Variants in SHISA6 observed in about 807,000 individuals in gnomAD.
The protein encoded by SHISA6 is shisa family member 6.
In SHISA6, 22 loss-of-function variants were observed where a neutral mutation model predicts 47.9. The ratio of observed to expected loss-of-function variants is 0.46; its 90% CI spans 0.33 to 0.66. The LOEUF (loss-of-function observed/expected upper bound fraction) is 0.66. SHISA6 is among the 30% of genes least tolerant of loss of function. SHISA6 has a pLI of 0.02. For missense variants in SHISA6, 680 were observed against 764.6 expected (o/e 0.89, Z 1.30); for synonymous variants, 388 against 337.8 (o/e 1.15, Z -1.63).
chr17:11,274,344 A>G lies in SHISA6; in HGVS notation c.799+10818A>G, dbSNP rs186401026. 5.4e-4 allele frequency among the ~76,000 whole-genome samples: 83 copies of G among 152,348 alleles called. 1 individual carries two copies. The East Asian group carries it at 0.015, about 28-fold the overall frequency. On this transcript the variant is annotated intron_variant, in intron 2 of 5. Transcript: ENST00000441885. ...GAGGTGCCGGTCAGAGGGAAAGCCA[A>G]AGCACGGAGGACAGGGTTAGAATTC...
chr17:11,507,954 G>A (rs1373784375), intron 3 of SHISA6, among the ~76,000 whole-genome samples: 1 of 152,192 alleles, frequency 6.6e-6, no homozygotes, highest in African/African-American at 2.4e-5. Flanking sequence ...AGGTCAAAGG[G>A]AGTGAGCTAG....
intron 2 of SHISA6, among the ~76,000 whole-genome samples, chr17:11,358,485 G>C (rs937754759): frequency 6.6e-6 from 1 of 150,690 alleles, no homozygotes; most frequent in Non-Finnish European, 1.5e-5. Flanking sequence ...TCAGCCTCCC[G>C]AGTAGCTGGG....
intron 3 of SHISA6, among the ~76,000 whole-genome samples, chr17:11,449,637 T>C (rs532751356): frequency 6.6e-6 from 1 of 152,056 alleles, no homozygotes; most frequent in African/African-American, 2.4e-5. Context: ...TGTCTTGGTG[T>C]GCTAAGCCTA....
intron 2 of SHISA6, among the ~76,000 whole-genome samples, chr17:11,364,912 T>C (rs922546986): frequency 6.6e-6 from 1 of 152,206 alleles, no homozygotes; most frequent in Non-Finnish European, 1.5e-5. Flanking sequence ...TAAGGTGGTA[T>C]TACATTACAG....
chr17:11,262,162 A>C (rs1309896822), intron 1 of SHISA6, among the ~76,000 whole-genome samples: 2 of 152,146 alleles, frequency 1.3e-5, no homozygotes, highest in Non-Finnish European at 2.9e-5. Context: ...TTGTCCCAGG[A>C]CCATTTTGTG....
chr17:11,263,898 T>G (rs143843442), intron 2 of SHISA6, among the ~76,000 whole-genome samples: 2,197 of 152,290 alleles, frequency 0.014, 57 homozygotes, highest in African/African-American at 0.05. Context: ...AAGAAATTAC[T>G]GTACCCCAAT....
intron 3 of SHISA6, among the ~76,000 whole-genome samples, chr17:11,481,713 G>A (rs939470400): frequency 6.6e-6 from 1 of 151,762 alleles, no homozygotes; most frequent in Non-Finnish European, 1.5e-5. Context: ...GGCTGGTCTC[G>A]AACTCCTGAC....
chr17:11,473,414 A>T (rs1298511499), intron 3 of SHISA6, among the ~76,000 whole-genome samples: 1 of 152,168 alleles, frequency 6.6e-6, no homozygotes, highest in Admixed American at 6.6e-5. Context: ...TGACTCGAAG[A>T]TGACACTTTG....
Position 11,242,506 on chromosome 17 carries a change from G to A in SHISA6, c.638+446G>A, listed in dbSNP as rs547747422. On this transcript the variant is annotated intron_variant, in intron 1 of 5. Coordinates refer to ENST00000441885, the MANE Select transcript of SHISA6 (RefSeq NM_207386.4). ...CTGAAAGCGGTACCAAGTGGCTTAG[G>A]GTCAACTGAGATGTTCTCGTACATT... Among the ~76,000 whole-genome samples, 142 of 152,198 alleles carry A rather than the reference G, an allele frequency of 9.3e-4. 1 individual carries two copies. The highest frequency in any genetic ancestry group is 3.3e-3 in the African/African-American group (135 of 41,514).
At chr17:11,345,160 T>C (rs1003327908) in intron 2 of SHISA6, among the ~76,000 whole-genome samples, 46 of 152,294 alleles carry the variant, frequency 3.0e-4, no homozygotes, top group African/African-American at 1.1e-3. Context: ...GAATGAATGT[T>C]GTATATACCA....
chr17:11,463,943 G>A (rs192909634), intron 3 of SHISA6, among the ~76,000 whole-genome samples: 167 of 152,214 alleles, frequency 1.1e-3, no homozygotes, highest in African/African-American at 3.9e-3. Context: ...TTGAGACAGG[G>A]TCTTGTTCTG....
intron 3 of SHISA6, among the ~76,000 whole-genome samples, chr17:11,422,803 T>C (rs1426357905): frequency 1.3e-5 from 2 of 148,686 alleles, no homozygotes; most frequent in Non-Finnish European, 3.0e-5. Flanking sequence ...CAGGAGATCT[T>C]CACAGACTTC....
chr17:11,279,180 C>G (rs372333949), intron 2 of SHISA6, among the ~76,000 whole-genome samples: 1 of 152,070 alleles, frequency 6.6e-6, no homozygotes, highest in African/African-American at 2.4e-5. Flanking sequence ...AGGTCTTCCT[C>G]GGGCCACAAC....
Position 11,308,005 on chromosome 17 carries a change from G to A in SHISA6, c.799+44479G>A, listed in dbSNP as rs535575204. Among the ~76,000 whole-genome samples the A allele has an allele frequency of 6.6e-5, 10 of 152,290 alleles. No homozygotes were observed. The East Asian group carries it at 9.7e-4, about 15-fold the overall frequency. ...TTCCGGTGCCTCCAAATAATACAGC[G>A]GAGTTTGGTGTCTGAGCTGTTGTCC... On this transcript the variant is annotated intron_variant, in intron 2 of 5. Coordinates refer to ENST00000441885, the MANE Select transcript of SHISA6 (RefSeq NM_207386.4).
At chr17:11,279,390 G>T (rs1392096474) in intron 2 of SHISA6, among the ~76,000 whole-genome samples, 1 of 152,170 alleles carries the variant, frequency 6.6e-6, no homozygotes, top group Non-Finnish European at 1.5e-5. Flanking sequence ...CCTGGAACAT[G>T]TTTGATGTGC....
chr17:11,428,475 G>T (rs1259869493), intron 3 of SHISA6, among the ~76,000 whole-genome samples: 1 of 152,216 alleles, frequency 6.6e-6, no homozygotes, highest in Non-Finnish European at 1.5e-5. Flanking sequence ...TGAGGACTGG[G>T]TGGTGATAGC....
At chr17:11,366,493 T>A (rs1229504981) in intron 2 of SHISA6, among the ~76,000 whole-genome samples, 1 of 152,228 alleles carries the variant, frequency 6.6e-6, no homozygotes, top group Non-Finnish European at 1.5e-5. Flanking sequence ...AGGAGAGGCA[T>A]AGAATGAGCA....
chr17:11,469,690 C>T (rs375587272), intron 3 of SHISA6, among the ~76,000 whole-genome samples: 1 of 152,104 alleles, frequency 6.6e-6, no homozygotes, highest in African/African-American at 2.4e-5. Context: ...GGGCTTTCCC[C>T]CCTTCTCCCT....
intron 2 of SHISA6, among the ~76,000 whole-genome samples, chr17:11,300,168 AAAAC>A (rs1305584163): frequency 2.0e-5 from 3 of 151,854 alleles, no homozygotes; most frequent in South Asian, 2.1e-4. Flanking sequence ...AAAAAAAAGA[AAAAC>A]AAGAAAAAAG....
Sources: gnomAD v4.1 joint callset for allele counts (sites outside exome capture counted in the v4.1 genomes callset) on GRCh38, gnomAD v4.1.1 for gene constraint, MANE v1.5 for transcripts, NCBI Gene and HGNC (gene_info 2026-07-23, HGNC 2026-07-21) for gene names.